VRK3: variants seen among roughly 807,000 people sequenced by gnomAD.
The protein encoded by VRK3 is serine/threonine-protein kinase VRK3.
In VRK3, 50 loss-of-function variants were observed where a neutral mutation model predicts 60.4. The ratio of observed to expected loss-of-function variants is 0.83; its 90% confidence interval spans 0.66 to 1.05. The LOEUF (loss-of-function observed/expected upper bound fraction) is 1.05. VRK3 is among the 50% of genes least tolerant of loss of function. The probability of loss-of-function intolerance (pLI) is 0.00; values close to 1 mark genes in which losing one functional copy is unlikely to be tolerated. For synonymous variants in VRK3, 246 were observed against 227.8 expected, an observed-to-expected ratio of 1.08 and a Z score of -0.72; for missense variants, 549 against 585.3, an observed-to-expected ratio of 0.94 and a Z score of 0.64.
intron 3 of VRK3, among the ~76,000 whole-genome samples, chr19:50,010,606 T>C (rs1418907932): frequency 6.6e-6 from 1 of 152,242 alleles, no homozygotes; most frequent in East Asian, 1.9e-4. Flanking sequence ...AGAACGTGAA[T>C]TCTTGGTTAG....
Position 49,992,840 on chromosome 19 carries a change from G to T in VRK3, c.963+20C>A. On this transcript the variant is annotated intron_variant, in intron 10 of 14. Coordinates refer to ENST00000316763, the MANE Select transcript of VRK3 (RefSeq NM_016440.4). The stretch of plus-strand genomic sequence containing the variant: ...CCTGAGCCCAGAGATCTTCCAGAGT[G>T]GGCAGGAGCTGGCTCTTACCTGACT... 6.2e-7 allele frequency: 1 copy of T among 1,610,626 alleles called. No homozygotes were observed.
chr19:50,006,643 G>C (rs1348724180), intron 5 of VRK3, among the ~76,000 whole-genome samples: 1 of 152,066 alleles, frequency 6.6e-6, no homozygotes. Flanking sequence ...CCAAAGTGCT[G>C]GGATTACAGG....
Position 49,992,904 on chromosome 19 carries a change from C to T in VRK3, c.919G>A (p.Val307Met), listed in dbSNP as rs2076635250. The stretch of plus-strand genomic sequence containing the variant: ...TCCACAAAGATATTTTCAGCTGTCA[C>T]ATTTCCATGAACATACTCATTCTCA... ...LHENEYVHGN[V>M]TAENIFVDPE... Residue 307 changes from valine to methionine, a missense_variant, in exon 10 of 15, where the codon GTG becomes ATG. Physicochemically the swap from Val to Met is conservative, Grantham distance 21. Transcript: ENST00000316763. 1 of 1,613,926 alleles carries T rather than the reference C, an allele frequency of 6.2e-7. No individual in the cohort carries two copies.
chr19:49,977,756 T>G (rs1001146685), intron 14 of VRK3, among the ~76,000 whole-genome samples: 1 of 151,948 alleles, frequency 6.6e-6, no homozygotes, highest in African/African-American at 2.4e-5. Flanking sequence ...ACGGAGGAGC[T>G]GTGTATCGAG....
intron 14 of VRK3, 192 bp downstream of exon 14, chr19:49,978,891 C>T (rs940941728): frequency 1.8e-5 from 9 of 487,636 alleles, no homozygotes; most frequent in South Asian, 1.4e-4. Flanking sequence ...CAAGTTGAGC[C>T]GGGTTTCTGC....
chr19:50,004,069 G>A (rs1451673135), intron 5 of VRK3, among the ~76,000 whole-genome samples: 2 of 152,220 alleles, frequency 1.3e-5, no homozygotes, highest in African/African-American at 4.8e-5. Context: ...GACTGCTGAA[G>A]GAATGGATGA....
At chr19:50,002,066 G>A (rs2076816367) in intron 5 of VRK3, among the ~76,000 whole-genome samples, 2 of 152,278 alleles carry the variant, frequency 1.3e-5, no homozygotes, top group Admixed American at 6.5e-5. Context: ...GCCGGGGAGT[G>A]GCAGAGCTGG....
chr19:49,995,190 C>A lies in VRK3; in HGVS notation c.764+1G>T, dbSNP rs766754308. The A allele has an allele frequency of 2.5e-6, 4 of 1,614,114 alleles. No individual in the cohort carries two copies. The highest frequency in any genetic ancestry group is 2.5e-6 in the Non-Finnish European group (3 of 1,179,998). The stretch of plus-strand genomic sequence containing the variant: ...GGCAAGCAGTGAGCAGAGCAGCTCA[C>A]CTGTATTTGTCCTGGTGAACACCGA... On this transcript the variant is annotated splice_donor_variant, in intron 8 of 14. Transcript: ENST00000316763. LOFTEE classifies it high-confidence loss of function.
At chr19:49,991,355 T>C (rs1447697595) in intron 10 of VRK3, among the ~76,000 whole-genome samples, 4 of 152,188 alleles carry the variant, frequency 2.6e-5, no homozygotes, top group Admixed American at 2.6e-4. Context: ...TTCCTGCCTT[T>C]GGACTTGAAC....
At chr19:50,024,022 C>T (rs1211336721) in intron 1 of VRK3, among the ~76,000 whole-genome samples, 4 of 152,210 alleles carry the variant, frequency 2.6e-5, no homozygotes, top group African/African-American at 9.7e-5. Context: ...TTGCAACCTC[C>T]GCTTCCTGGG....
At chr19:49,989,565 G>C (rs1006966878) in intron 11 of VRK3, 74 bp downstream of exon 11, 1 of 1,515,788 alleles carries the variant, frequency 6.6e-7, no homozygotes, top group Non-Finnish European at 8.9e-7. Context: ...GCTGTCTCTG[G>C]CTGTGAACTC....
Position 50,000,787 on chromosome 19 carries a change from T to C in VRK3, c.612+3A>G, listed in dbSNP as rs777230325. The C allele has an allele frequency of 5.0e-6, 8 of 1,612,582 alleles. No individual in the cohort carries two copies. The highest frequency in any genetic ancestry group is 5.9e-6 in the Non-Finnish European group (7 of 1,179,424). On this transcript the variant is annotated splice_donor_region_variant and intron_variant, in intron 6 of 14. Coordinates refer to ENST00000316763, the MANE Select transcript of VRK3 (RefSeq NM_016440.4). Reference sequence around the variant, plus strand: ...GCTGCCCCCCACCTGCAGGGTCACTTACCAGTTTGAGTGAGAACTTTTGCT... The same window carrying C: ...GCTGCCCCCCACCTGCAGGGTCACTCACCAGTTTGAGTGAGAACTTTTGCT...
At chr19:49,994,766 T>C (rs1449733808) in intron 9 of VRK3, 48 bp downstream of exon 9, 1 of 1,539,576 alleles carries the variant, frequency 6.5e-7, no homozygotes, top group Non-Finnish European at 8.9e-7. Flanking sequence ...AACTAGGATG[T>C]GATGTGCCCT....
chr19:50,018,522 ACT>A (rs551061242), intron 2 of VRK3, among the ~76,000 whole-genome samples: 2 of 152,206 alleles, frequency 1.3e-5, no homozygotes, highest in East Asian at 3.9e-4. Context: ...GAGCAGAAAC[ACT>A]CTGTGGCATA....
At chr19:49,994,727 G>A (rs1422820202) in intron 9 of VRK3, 87 bp downstream of exon 9, 27 of 1,216,262 alleles carry the variant, frequency 2.2e-5, no homozygotes, top group East Asian at 1.2e-4. Context: ...GGTGGGGGCC[G>A]GAAGTGTCAA....
chr19:50,011,107 TAC>T, intron 3 of VRK3, among the ~76,000 whole-genome samples: 1 of 152,172 alleles, frequency 6.6e-6, no homozygotes, highest in South Asian at 2.1e-4. Context: ...GCAACTCCTG[TAC>T]TGCTAAGGCC....
chr19:50,013,931 T>C (rs2077034947), intron 3 of VRK3, among the ~76,000 whole-genome samples: 2 of 152,062 alleles, frequency 1.3e-5, no homozygotes, highest in Non-Finnish European at 1.5e-5. Flanking sequence ...TAATTAGTAG[T>C]GGTAGGGAAA....
intron 1 of VRK3, among the ~76,000 whole-genome samples, chr19:50,024,655 A>G (rs1475204956): frequency 6.6e-6 from 1 of 152,192 alleles, no homozygotes; most frequent in East Asian, 1.9e-4. Context: ...CCCAGGTTAT[A>G]GTAGTGTAAT....
intron 5 of VRK3, among the ~76,000 whole-genome samples, chr19:50,004,615 A>G (rs1015343954): frequency 2.0e-5 from 3 of 152,174 alleles, no homozygotes; most frequent in African/African-American, 7.2e-5. Flanking sequence ...TAAGACACAG[A>G]GAGTTCCCAA....
Sources: allele counts gnomAD v4.1 joint callset (sites outside exome capture counted in the v4.1 genomes callset), GRCh38; gene constraint gnomAD v4.1.1; transcripts MANE v1.5; gene names NCBI Gene and HGNC (gene_info 2026-07-23, HGNC 2026-07-21).